Variants in ROBO1 observed in about 807,000 individuals in gnomAD.
ROBO1 encodes roundabout guidance receptor 1.
ROBO1 carries 149 observed loss-of-function variants against 195.9 expected under a neutral mutation model. The ratio of observed to expected loss-of-function variants is 0.76; its 90% CI spans 0.67 to 0.87. ROBO1 has a LOEUF of 0.87. Ranked by LOEUF, ROBO1 falls within the 40% of genes least tolerant of loss-of-function variation. The pLI is 0.00. For synonymous variants in ROBO1, 816 were observed against 733.2 expected, an observed-to-expected ratio of 1.11 and a Z score of -1.82; for missense variants, 1,933 against 2,068.3, an observed-to-expected ratio of 0.93 and a Z score of 1.27.
intron 1 of ROBO1, among the ~76,000 whole-genome samples, chr3:79,706,404 A>G (rs1382420631): frequency 1.3e-5 from 2 of 152,066 alleles, no homozygotes; most frequent in Non-Finnish European, 2.9e-5. Context: ...GGATATGGTC[A>G]TGTTGTTTTT....
chr3:79,323,322 C>T (rs942720767), intron 2 of ROBO1, among the ~76,000 whole-genome samples: 20 of 152,112 alleles, frequency 1.3e-4, no homozygotes, highest in Non-Finnish European at 2.9e-5. Flanking sequence ...CCTCATGATC[C>T]ACCCACCTCA....
At position 79,637,105 on chromosome 3, in the gene ROBO1, C is replaced by T. The variant is rs548745055; in HGVS notation, c.-50-47144G>A. On this transcript the variant is annotated intron_variant, in intron 1 of 30. Coordinates refer to ENST00000464233, the MANE Select transcript of ROBO1 (RefSeq NM_002941.4). ...GCCCAATAAACCACATGTGTCCAGA[C>T]GCTATGGTAATTGGGCAGCCCAATG... Among the ~76,000 whole-genome samples the T allele has an allele frequency of 1.9e-4, 29 of 152,246 alleles. No individual in the cohort carries two copies. The South Asian group carries it at 4.4e-3, about 23-fold the overall frequency.
At chr3:79,743,054 C>A (rs1257984481) in intron 1 of ROBO1, among the ~76,000 whole-genome samples, 1 of 152,152 alleles carries the variant, frequency 6.6e-6, no homozygotes, top group Non-Finnish European at 1.5e-5. Context: ...TGAGATAGAG[C>A]CTTGTTTAAC....
chr3:79,136,341 T>C (rs2080408638), intron 2 of ROBO1, among the ~76,000 whole-genome samples: 1 of 152,152 alleles, frequency 6.6e-6, no homozygotes, highest in Admixed American at 6.5e-5. Flanking sequence ...AATAAAAACA[T>C]AAAAGCTTCT....
At chr3:79,101,524 CCTGTTT>C (rs2079675944) in intron 3 of ROBO1, among the ~76,000 whole-genome samples, 1 of 151,792 alleles carries the variant, frequency 6.6e-6, no homozygotes, top group Admixed American at 6.6e-5. Context: ...TCTCTGAGTT[CCTGTTT>C]CTCACCCTGG....
intron 2 of ROBO1, among the ~76,000 whole-genome samples, chr3:79,218,317 A>G (rs2082085753): frequency 6.6e-6 from 1 of 151,984 alleles, no homozygotes; most frequent in Admixed American, 6.6e-5. Context: ...TCCCCTATGG[A>G]AGGAATTGGC....
At chr3:78,889,605 A>G (rs1033767849) in intron 4 of ROBO1, among the ~76,000 whole-genome samples, 3 of 151,318 alleles carry the variant, frequency 2.0e-5, no homozygotes, top group Non-Finnish European at 4.4e-5. Flanking sequence ...GTGTATTGCC[A>G]GTTGGGCAGC....
At chr3:79,506,174 T>C (rs190762046) in intron 2 of ROBO1, among the ~76,000 whole-genome samples, 1 of 152,102 alleles carries the variant, frequency 6.6e-6, no homozygotes, top group Admixed American at 6.5e-5. Flanking sequence ...TGTTTTGAGA[T>C]TTTATGATGA....
chr3:79,446,528 T>C (rs2039262150), intron 2 of ROBO1, among the ~76,000 whole-genome samples: 1 of 152,220 alleles, frequency 6.6e-6, no homozygotes, highest in Non-Finnish European at 1.5e-5. Flanking sequence ...CAAAACTTAA[T>C]TAAAATATGA....
chr3:79,547,815 C>A (rs1194841653), intron 2 of ROBO1, among the ~76,000 whole-genome samples: 1 of 152,088 alleles, frequency 6.6e-6, no homozygotes, highest in Non-Finnish European at 1.5e-5. Flanking sequence ...CTAATGCTAT[C>A]TAATGGAAAT....
chr3:79,734,916 C>T (rs1703313857), intron 1 of ROBO1, among the ~76,000 whole-genome samples: 1 of 152,128 alleles, frequency 6.6e-6, no homozygotes, highest in Admixed American at 6.5e-5. Flanking sequence ...TGGATGCTAC[C>T]TGGTTATTGA....
At chr3:78,880,464 C>G (rs537375951) in intron 4 of ROBO1, among the ~76,000 whole-genome samples, 4 of 151,466 alleles carry the variant, frequency 2.6e-5, no homozygotes, top group Non-Finnish European at 5.9e-5. Context: ...TTGTCCTCCC[C>G]ACAAGGCACA....
intron 8 of ROBO1, among the ~76,000 whole-genome samples, chr3:78,709,926 T>C (rs1047597269): frequency 2.0e-5 from 3 of 152,230 alleles, no homozygotes; most frequent in African/African-American, 7.2e-5. Flanking sequence ...ATGCAATCTT[T>C]TTGATTCATT....
intron 2 of ROBO1, among the ~76,000 whole-genome samples, chr3:79,384,927 CTTCTT>C (rs2036688366): frequency 6.6e-6 from 1 of 152,040 alleles, no homozygotes; most frequent in African/African-American, 2.4e-5. Flanking sequence ...TGCATCTTCT[CTTCTT>C]TTCTTACACG....
At chr3:78,632,524 A>G (rs988797572) in intron 24 of ROBO1, among the ~76,000 whole-genome samples, 13 of 152,170 alleles carry the variant, frequency 8.5e-5, no homozygotes, top group Admixed American at 5.9e-4. Context: ...CCTGATATAC[A>G]TCTACTGTAG....
At chr3:79,478,800 A>T (rs574792312) in intron 2 of ROBO1, among the ~76,000 whole-genome samples, 1 of 152,176 alleles carries the variant, frequency 6.6e-6, no homozygotes, top group Non-Finnish European at 1.5e-5. Context: ...GCTTTATAAC[A>T]GGCTTTCTCT....
At position 78,617,728 on chromosome 3, in the gene ROBO1, A is replaced by C. The variant is rs1164606981; in HGVS notation, c.4189T>G (p.Phe1397Val). 1 of 1,613,928 alleles carries C rather than the reference A, an allele frequency of 6.2e-7. No individual in the cohort carries two copies. Among genetic ancestry groups the C allele is most frequent in the Non-Finnish European group, 8.5e-7 (1 of 1,179,858 alleles). ...TGGGCAAAGTCAGCATCAGTGAAAA[A>C]GGAGCCGTCCGAAGAACTAACACTG... The part of the protein sequence containing the change: ...RSSVSSSDGS[F>V]FTDADFAQAV... The change falls in exon 27 of 31, where the codon TTT becomes GTT. Residue 1397 changes from phenylalanine (F) to valine (V), a missense_variant. Coordinates refer to ENST00000464233, the MANE Select transcript of ROBO1 (RefSeq NM_002941.4).
intron 1 of ROBO1, among the ~76,000 whole-genome samples, chr3:79,646,390 A>G (rs1053778741): frequency 3.3e-5 from 5 of 152,176 alleles, no homozygotes; most frequent in African/African-American, 1.2e-4. Context: ...AATGGCTTCT[A>G]TGAAAATGAC....
At chr3:79,119,585 A>G (rs1422638760) in intron 3 of ROBO1, among the ~76,000 whole-genome samples, 1 of 152,126 alleles carries the variant, frequency 6.6e-6, no homozygotes, top group Non-Finnish European at 1.5e-5. Flanking sequence ...AATTGATTAA[A>G]TTGATGTGAG....
Sources: gnomAD v4.1 joint callset for allele counts (sites outside exome capture counted in the v4.1 genomes callset) on GRCh38, gnomAD v4.1.1 for gene constraint, MANE v1.5 for transcripts, NCBI Gene and HGNC (gene_info 2026-07-23, HGNC 2026-07-21) for gene names.